EMCN: variants seen among roughly 807,000 people sequenced by gnomAD.
EMCN encodes the protein MUC-14.
EMCN carries 37 observed loss-of-function variants against 38.4 expected under a neutral mutation model. That is an observed-to-expected ratio of 0.96 (90% CI 0.74 to 1.27). The LOEUF is 1.27. Ranked by LOEUF, EMCN falls within the 50% of genes most tolerant of loss-of-function variation. The probability of loss-of-function intolerance (pLI) is 0.00; values close to 1 mark genes in which losing one functional copy is unlikely to be tolerated. For synonymous variants in EMCN, 95 were observed against 100.8 expected, an observed-to-expected ratio of 0.94 and a Z score of 0.35; for missense variants, 318 against 302.8, an observed-to-expected ratio of 1.05 and a Z score of -0.37.
intron 4 of EMCN, among the ~76,000 whole-genome samples, chr4:100,457,757 G>A (rs1728058648): frequency 6.6e-6 from 1 of 152,072 alleles, no homozygotes; most frequent in African/African-American, 2.4e-5. Context: ...AGTCTGCAGT[G>A]TTCTTTTCTT....
At chr4:100,402,264 C>A (rs1726279802) in intron 11 of EMCN, among the ~76,000 whole-genome samples, 1 of 152,042 alleles carries the variant, frequency 6.6e-6, no homozygotes, top group Non-Finnish European at 1.5e-5. Context: ...AATAGATGAT[C>A]AATATATGAA....
intron 1 of EMCN, among the ~76,000 whole-genome samples, chr4:100,487,255 CA>C (rs1560636674): frequency 1.3e-5 from 2 of 152,140 alleles, no homozygotes; most frequent in African/African-American, 4.8e-5. Flanking sequence ...TAAGCAACAA[CA>C]AATCCTTATA....
intron 1 of EMCN, among the ~76,000 whole-genome samples, chr4:100,501,691 T>C (rs1373443503): frequency 1.3e-5 from 2 of 152,156 alleles, no homozygotes; most frequent in Non-Finnish European, 2.9e-5. Flanking sequence ...CTCATACAAA[T>C]AATGCACATC....
Position 100,417,616 on chromosome 4 carries a change from T to A in EMCN, c.665-475A>T, listed in dbSNP as rs1443407970. Among the ~76,000 whole-genome samples, 5 of 152,300 alleles carry A rather than the reference T, an allele frequency of 3.3e-5. No homozygotes were observed. The East Asian group carries it at 7.7e-4, about 23-fold the overall frequency. The stretch of plus-strand genomic sequence containing the variant: ...CTACAATGTAGATACTATATCTAAT[T>A]GTATCTTAAACCCACTGATTCAGCC... On this transcript the variant is annotated intron_variant, in intron 8 of 11. Coordinates refer to ENST00000296420, the MANE Select transcript of EMCN (RefSeq NM_016242.4).
chr4:100,442,628 A>T (rs1326172937), intron 5 of EMCN, among the ~76,000 whole-genome samples: 1 of 151,720 alleles, frequency 6.6e-6, no homozygotes, highest in Non-Finnish European at 1.5e-5. Flanking sequence ...CACAGATTTT[A>T]TCTTCTGATT....
At chr4:100,414,433 T>C (rs991003526) in intron 10 of EMCN, among the ~76,000 whole-genome samples, 1 of 138,018 alleles carries the variant, frequency 7.2e-6, no homozygotes, top group Non-Finnish European at 1.5e-5. Context: ...GGCTGGTGAA[T>C]AGCCAGGAGA....
chr4:100,400,441 G>A (rs941290944), intron 11 of EMCN, among the ~76,000 whole-genome samples: 23 of 150,948 alleles, frequency 1.5e-4, no homozygotes, highest in Admixed American at 1.4e-3. Flanking sequence ...TAAACTTCAC[G>A]TTATCATGTC....
At chr4:100,436,598 T>G (rs536663756) in intron 5 of EMCN, among the ~76,000 whole-genome samples, 3 of 152,056 alleles carry the variant, frequency 2.0e-5, no homozygotes, top group Non-Finnish European at 4.4e-5. Flanking sequence ...ATAGCAAATA[T>G]ATGGAATCAA....
chr4:100,508,138 C>T (rs1197066837), intron 1 of EMCN, among the ~76,000 whole-genome samples: 1 of 152,120 alleles, frequency 6.6e-6, no homozygotes, highest in Non-Finnish European at 1.5e-5. Flanking sequence ...AGAAATCTTT[C>T]ATATCACTTG....
intron 5 of EMCN, among the ~76,000 whole-genome samples, chr4:100,431,448 G>A (rs995129715): frequency 5.9e-5 from 9 of 152,098 alleles, no homozygotes; most frequent in East Asian, 5.8e-4. Flanking sequence ...GTTGCCTCTC[G>A]TCCAACCAGT....
intron 5 of EMCN, among the ~76,000 whole-genome samples, chr4:100,440,611 GTA>G (rs752206924): frequency 6.6e-6 from 1 of 151,524 alleles, no homozygotes; most frequent in East Asian, 1.9e-4. Context: ...TGGTGTGTGT[GTA>G]TATATATATG....
At position 100,447,589 on chromosome 4, in the gene EMCN, G is replaced by GAA; in HGVS notation, c.377-20_377-19dup. On this transcript the variant is annotated intron_variant, in intron 4 of 11. Transcript: ENST00000296420. ...AGTTTCAGCTTTAGAAGGAAAAAAA[G>GAA]AAAAAAAATCAGTACAATTAAATGT... is the stretch of plus-strand genomic sequence containing the variant. 1.3e-6 allele frequency: 2 copies of GAA among 1,536,580 alleles called. No individual in the cohort carries two copies. Among genetic ancestry groups the GAA allele is most frequent in the East Asian group, 4.5e-5 (2 of 44,384 alleles).
intron 8 of EMCN, among the ~76,000 whole-genome samples, chr4:100,418,248 G>A (rs1380017670): frequency 6.6e-6 from 1 of 152,044 alleles, no homozygotes; most frequent in South Asian, 2.1e-4. Context: ...GTTTTAAAAT[G>A]AGTTTTTTTC....
intron 4 of EMCN, among the ~76,000 whole-genome samples, chr4:100,448,795 T>TTTTCCTTCCTTCCTTC (rs58028381): frequency 1.7e-5 from 2 of 114,324 alleles, no homozygotes; most frequent in African/African-American, 6.6e-5. Context: ...TGCCTTGAAG[T>TTTTCCTTCCTTCCTTC]CTTCCTTCCT....
At chr4:100,476,889 A>G (rs1385675530) in intron 2 of EMCN, among the ~76,000 whole-genome samples, 2 of 152,226 alleles carry the variant, frequency 1.3e-5, no homozygotes, top group African/African-American at 4.8e-5. Flanking sequence ...ACAATGAATA[A>G]AAGGAGAAAG....
chr4:100,470,696 T>A, intron 3 of EMCN, among the ~76,000 whole-genome samples: 1 of 151,948 alleles, frequency 6.6e-6, no homozygotes, highest in Non-Finnish European at 1.5e-5. Context: ...TGAAATACCA[T>A]GCAGCTATAA....
chr4:100,476,168 TC>T (rs1728643761), intron 2 of EMCN, among the ~76,000 whole-genome samples: 1 of 118,116 alleles, frequency 8.5e-6, no homozygotes. Context: ...TCTTTCTCCC[TC>T]CCTCCCTCCC....
At chr4:100,468,427 T>A (rs1472657916) in intron 3 of EMCN, among the ~76,000 whole-genome samples, 1 of 152,234 alleles carries the variant, frequency 6.6e-6, no homozygotes, top group Non-Finnish European at 1.5e-5. Context: ...TTTGTGGTCA[T>A]GGATTTTAAT....
intron 5 of EMCN, among the ~76,000 whole-genome samples, chr4:100,445,374 A>G (rs1727640489): frequency 6.6e-6 from 1 of 152,196 alleles, no homozygotes. Context: ...ACATAAAATC[A>G]TCATCAATTT....
Sources: allele counts gnomAD v4.1 joint callset (sites outside exome capture counted in the v4.1 genomes callset), GRCh38; gene constraint gnomAD v4.1.1; transcripts MANE v1.5; gene names NCBI Gene and HGNC (gene_info 2026-07-23, HGNC 2026-07-21).